Variants in ATXN8OS observed in about 807,000 individuals in gnomAD.
ATXN8OS encodes ATXN8 opposite strand (non-protein coding).
chr13:70,145,479 A>G (rs545704019), intron 3 of ATXN8OS, among the ~76,000 whole-genome samples: 139 of 152,092 alleles, frequency 9.1e-4, no homozygotes, highest in African/African-American at 3.1e-3. Flanking sequence ...CTTCCTACCC[A>G]TGAGCATGGA....
chr13:70,120,172 C>A (rs1281534778), intron 2 of ATXN8OS, among the ~76,000 whole-genome samples: 1 of 152,016 alleles, frequency 6.6e-6, no homozygotes, highest in African/African-American at 2.4e-5. Context: ...TTTAAGGTGT[C>A]AGTGACCCAC....
At chr13:70,168,554 T>G (rs1340795489) in intron 4 of ATXN8OS, among the ~76,000 whole-genome samples, 2 of 151,000 alleles carry the variant, frequency 1.3e-5, no homozygotes, top group Non-Finnish European at 2.9e-5. Context: ...CTTCCCATCC[T>G]CTAGTGACTA....
chr13:70,152,112 A>G (rs1251515489), intron 4 of ATXN8OS, among the ~76,000 whole-genome samples: 2 of 152,020 alleles, frequency 1.3e-5, no homozygotes, highest in African/African-American at 2.4e-5. Flanking sequence ...TAATTTCCTT[A>G]TAACTTCTCT....
At chr13:70,126,018 G>A (rs1888428637) in intron 2 of ATXN8OS, among the ~76,000 whole-genome samples, 1 of 152,084 alleles carries the variant, frequency 6.6e-6, no homozygotes, top group South Asian at 2.1e-4. Flanking sequence ...TACTAACGCA[G>A]GCTCGCAATT....
chr13:70,151,227 G>A lies in ATXN8OS; in HGVS notation n.573+3799G>A, dbSNP rs542892125. ...ATTATTAACTTACAGACACCATGTT[G>A]AACAGCAGATCTCCAGAAATTATTT... On this transcript the variant is annotated intron_variant and non_coding_transcript_variant, in intron 4 of 4. Coordinates refer to ENST00000678624, the Ensembl canonical transcript of ATXN8OS. Among the ~76,000 whole-genome samples, 275 of 152,106 alleles carry A rather than the reference G, an allele frequency of 1.8e-3. 1 individual carries two copies. The highest frequency in any genetic ancestry group is 6.4e-3 in the African/African-American group (267 of 41,528).
intron 4 of ATXN8OS, among the ~76,000 whole-genome samples, chr13:70,167,847 C>T (rs550178286): frequency 6.7e-6 from 1 of 149,460 alleles, no homozygotes; most frequent in South Asian, 2.1e-4. Context: ...GCCATTCTCC[C>T]ACCTCAGCCT....
chr13:70,155,866 A>G (rs1295808386), intron 4 of ATXN8OS, among the ~76,000 whole-genome samples: 4 of 152,000 alleles, frequency 2.6e-5, no homozygotes, highest in African/African-American at 9.7e-5. Flanking sequence ...CACCAGAAAA[A>G]AAAGTATGTT....
Position 70,138,575 on chromosome 13 carries a change from C to G in ATXN8OS, n.499+8691C>G, listed in dbSNP as rs374302072. 5.9e-5 allele frequency among the ~76,000 whole-genome samples: 9 copies of G among 152,030 alleles called. No individual in the cohort carries two copies. In the East Asian group the frequency reaches 1.5e-3, roughly 26 times the overall value. ...GATTTATTAATAAACTCAACAGACA[C>G]AAATATTTGGCAGTTTTGTTCACAG... On this transcript the variant is annotated intron_variant and non_coding_transcript_variant, in intron 3 of 4. Transcript: ENST00000678624.
intron 2 of ATXN8OS, among the ~76,000 whole-genome samples, chr13:70,116,837 T>C (rs550038209): frequency 2.0e-5 from 3 of 152,252 alleles, no homozygotes; most frequent in South Asian, 4.1e-4. Context: ...CTGGCATTCA[T>C]AGGGAATCGA....
chr13:70,110,171 A>C (rs982969452), intron 1 of ATXN8OS, among the ~76,000 whole-genome samples: 1 of 152,178 alleles, frequency 6.6e-6, no homozygotes, highest in Non-Finnish European at 1.5e-5. Context: ...AATTAAAAAT[A>C]TTGTCACATT....
chr13:70,125,628 T>G (rs1888422085), intron 2 of ATXN8OS, among the ~76,000 whole-genome samples: 1 of 152,146 alleles, frequency 6.6e-6, no homozygotes, highest in South Asian at 2.1e-4. Context: ...GGAATACTTG[T>G]TTTTCCTTGG....
chr13:70,170,934 G>A (rs1413645094), exon 5 of ATXN8OS, among the ~76,000 whole-genome samples: 2 of 152,084 alleles, frequency 1.3e-5, no homozygotes, highest in African/African-American at 4.8e-5. Context: ...AATGGTGACT[G>A]TATGTGTATC....
Position 70,142,166 on chromosome 13 carries a change from G to A in ATXN8OS, n.500-5189G>A, listed in dbSNP as rs1436200910. 2.6e-5 allele frequency among the ~76,000 whole-genome samples: 4 copies of A among 152,272 alleles called. No individual in the cohort carries two copies. The East Asian group carries it at 7.7e-4, about 29-fold the overall frequency. ...CCCAAAGTGCTGGGATTACAGGCAT[G>A]AGCCACCGTGCTTTGAACACATTTT... On this transcript the variant is annotated intron_variant and non_coding_transcript_variant, in intron 3 of 4. Transcript: ENST00000678624.
chr13:70,129,373 TTC>T (rs1457157758), intron 2 of ATXN8OS, among the ~76,000 whole-genome samples: 2 of 98,934 alleles, frequency 2.0e-5, no homozygotes, highest in African/African-American at 8.7e-5. Flanking sequence ...GCTTGTATTT[TTC>T]TGTGTGTGTG....
chr13:70,110,369 A>G (rs1417189463), intron 1 of ATXN8OS, among the ~76,000 whole-genome samples: 2 of 152,172 alleles, frequency 1.3e-5, no homozygotes, highest in Non-Finnish European at 2.9e-5. Context: ...TTATTATCAA[A>G]TGAAAATATT....
chr13:70,130,974 C>T (rs761856752), intron 3 of ATXN8OS: 7 of 398,240 alleles, frequency 1.8e-5, no homozygotes, highest in South Asian at 1.3e-4. Context: ...AGGGAAATTG[C>T]GCTTATTGGG....
intron 3 of ATXN8OS, among the ~76,000 whole-genome samples, chr13:70,140,533 C>CA (rs58996989): frequency 0.093 from 12,430 of 132,986 alleles, 757 homozygotes; most frequent in Non-Finnish European, 0.13. Flanking sequence ...CACACACACA[C>CA]AAAAAAAAAA....
At chr13:70,107,495 A>C (rs748976886), upstream of ATXN8OS, 5 of 1,613,808 alleles carry the variant, frequency 3.1e-6, no homozygotes, top group Middle Eastern at 1.6e-4. Context: ...GGCTTCTTCC[A>C]GAAAGTGCTC....
intron 1 of ATXN8OS, among the ~76,000 whole-genome samples, chr13:70,110,754 A>G (rs1888189398): frequency 6.6e-6 from 1 of 152,114 alleles, no homozygotes; most frequent in Non-Finnish European, 1.5e-5. Context: ...TTGATCACTT[A>G]GGTCCAATGT....
Sources: gnomAD v4.1 joint callset for allele counts (sites outside exome capture counted in the v4.1 genomes callset) on GRCh38, gnomAD v4.1.1 for gene constraint, MANE v1.5 for transcripts, NCBI Gene and HGNC (gene_info 2026-07-23, HGNC 2026-07-21) for gene names.